ITFG1: variants seen among roughly 807,000 people sequenced by gnomAD.
ITFG1 encodes integrin alpha FG-GAP repeat containing 1, also known as T-cell immunomodulatory protein.
A neutral mutation model predicts 81.8 loss-of-function variants in ITFG1; 34 were observed. The observed-to-expected ratio is 0.42, with a 90% confidence interval of 0.32 to 0.55. ITFG1 has a LOEUF of 0.55. ITFG1 is among the 20% of genes least tolerant of loss of function. ITFG1 has a pLI of 0.17. For synonymous variants in ITFG1, 285 were observed against 270.6 expected, an observed-to-expected ratio of 1.05 and a Z score of -0.52; for missense variants, 672 against 755.4, an observed-to-expected ratio of 0.89 and a Z score of 1.29.
chr16:47,218,683 G>C (rs1965655706), intron 14 of ITFG1, 185 bp downstream of exon 14: 1 of 357,852 alleles, frequency 2.8e-6, no homozygotes, highest in Non-Finnish European at 5.0e-6. Context: ...AGAATTGAAA[G>C]TGAACATTTT....
Position 47,162,472 on chromosome 16 carries a change from A to T in ITFG1, c.1578+68T>A, listed in dbSNP as rs147003517. 3.3e-3 allele frequency: 4,020 copies of T among 1,236,300 alleles called. 14 individuals carry two copies. The highest frequency in any genetic ancestry group is 3.8e-3 in the Non-Finnish European group (3,374 of 898,294). 76.6% of individuals were successfully genotyped at this position (1,236,300 alleles called of 1,614,324 possible). ...AAATTCAATTAGGTTCAAATTATTTAATTTAAATACTTAAATAGTGAATAT... is the reference window on the plus strand; with the variant it reads ...AAATTCAATTAGGTTCAAATTATTTTATTTAAATACTTAAATAGTGAATAT... On this transcript the variant is annotated intron_variant, in intron 15 of 17. Transcript: ENST00000320640.
intron 8 of ITFG1, among the ~76,000 whole-genome samples, chr16:47,324,441 T>A (rs546839221): frequency 9.2e-5 from 14 of 152,178 alleles, no homozygotes; most frequent in Non-Finnish European, 7.4e-5. Flanking sequence ...ACAAGCAAAA[T>A]AGCCAGCTAA....
rs1966257224 is a variant in ITFG1 at position 47,264,815 on chromosome 16, A to T, written c.1071-4120T>A. ...CTTGACAGTTGAAGAGCTTAAAAAC[A>T]ACTTCATTCTTCTGATGATGACAGC... is the stretch of plus-strand genomic sequence containing the variant. On this transcript the variant is annotated intron_variant, in intron 10 of 17. Coordinates refer to ENST00000320640, the MANE Select transcript of ITFG1 (RefSeq NM_030790.5). Among the ~76,000 whole-genome samples the T allele has an allele frequency of 2.0e-5, 3 of 152,172 alleles. No homozygotes were observed. The South Asian group carries it at 6.2e-4, about 32-fold the overall frequency.
At chr16:47,421,009 C>A (rs933140501) in intron 6 of ITFG1, among the ~76,000 whole-genome samples, 17 of 152,008 alleles carry the variant, frequency 1.1e-4, no homozygotes, top group Admixed American at 1.0e-3. Context: ...TATATAAAGA[C>A]CTTATATGTC....
At chr16:47,307,101 A>AC (rs1191547762) in intron 10 of ITFG1, among the ~76,000 whole-genome samples, 2 of 142,504 alleles carry the variant, frequency 1.4e-5, no homozygotes, top group Non-Finnish European at 3.0e-5. Context: ...CTCAAAAAAA[A>AC]AAAAAAAAAA....
chr16:47,253,767 C>T (rs181911517), intron 12 of ITFG1, among the ~76,000 whole-genome samples: 156 of 152,202 alleles, frequency 1.0e-3, no homozygotes, highest in African/African-American at 1.9e-3. Context: ...AGAGCTCAGG[C>T]GGTAATGCCA....
At position 47,377,672 on chromosome 16, in the gene ITFG1, T is replaced by C. The variant is rs148223654; in HGVS notation, c.656-1732A>G. On this transcript the variant is annotated intron_variant, in intron 6 of 17. Coordinates refer to ENST00000320640, the MANE Select transcript of ITFG1 (RefSeq NM_030790.5). ...TCCTCTTCCTTCTAGAGTTCCTTCC[T>C]CTCCCTAGACATAGCTTTCCCTCCG... 7.3e-3 allele frequency among the ~76,000 whole-genome samples: 1,107 copies of C among 152,244 alleles called. 18 individuals are homozygous for C. The highest frequency in any genetic ancestry group is 0.025 in the African/African-American group (1,048 of 41,554).
intron 8 of ITFG1, among the ~76,000 whole-genome samples, chr16:47,356,618 C>A (rs1323591448): frequency 5.3e-5 from 8 of 152,192 alleles, no homozygotes; most frequent in Non-Finnish European, 1.0e-4. Context: ...CAGTCACTAT[C>A]CATCCATCAC....
intron 6 of ITFG1, among the ~76,000 whole-genome samples, chr16:47,380,679 G>A (rs1019561071): frequency 2.6e-5 from 4 of 152,152 alleles, no homozygotes; most frequent in East Asian, 1.9e-4. Context: ...GTGGCTTGGC[G>A]ACTATATTGG....
intron 10 of ITFG1, among the ~76,000 whole-genome samples, chr16:47,301,394 TTTC>T (rs1302918877): frequency 4.8e-4 from 73 of 152,114 alleles, no homozygotes; most frequent in African/African-American, 1.3e-3. Context: ...TTCTTTTTCT[TTTC>T]TTCTTCTTCT....
intron 16 of ITFG1, 78 bp downstream of exon 16, chr16:47,161,672 G>A (rs1476036691): frequency 3.3e-6 from 3 of 901,946 alleles, no homozygotes; most frequent in Non-Finnish European, 5.5e-6. Flanking sequence ...GAATATGAGA[G>A]AGCTTAAAAG....
At chr16:47,158,574 A>G (rs1964751958) in intron 17 of ITFG1, among the ~76,000 whole-genome samples, 2 of 152,200 alleles carry the variant, frequency 1.3e-5, no homozygotes, top group Non-Finnish European at 2.9e-5. Flanking sequence ...TCAGGTCATT[A>G]TGAAATTGTT....
chr16:47,321,480 A>T (rs773551971), intron 8 of ITFG1, among the ~76,000 whole-genome samples: 18 of 152,234 alleles, frequency 1.2e-4, no homozygotes, highest in Non-Finnish European at 2.6e-4. Flanking sequence ...ACAGTGAAGA[A>T]TATAACTTTA....
intron 8 of ITFG1, chr16:47,365,430 G>A (rs748415333): frequency 5.7e-6 from 1 of 176,644 alleles, no homozygotes; most frequent in African/African-American, 2.4e-5. Context: ...GGTTTTAAGA[G>A]GTCATATTAA....
intron 8 of ITFG1, among the ~76,000 whole-genome samples, chr16:47,315,993 G>C (rs910495761): frequency 3.3e-5 from 5 of 152,016 alleles, no homozygotes; most frequent in African/African-American, 1.2e-4. Flanking sequence ...GTTTCGCCAT[G>C]TTGTCCAGGC....
At chr16:47,220,903 A>T (rs187513469) in intron 13 of ITFG1, among the ~76,000 whole-genome samples, 1 of 152,336 alleles carries the variant, frequency 6.6e-6, no homozygotes, top group African/African-American at 2.4e-5. Context: ...CTTTGCAAGA[A>T]TCCAAGGAGC....
At chr16:47,421,770 C>T (rs562844041) in intron 6 of ITFG1, among the ~76,000 whole-genome samples, 1 of 152,216 alleles carries the variant, frequency 6.6e-6, no homozygotes, top group East Asian at 1.9e-4. Context: ...TGTTGATTGG[C>T]TGCACCCATC....
chr16:47,381,967 C>G (rs935160539), intron 6 of ITFG1, among the ~76,000 whole-genome samples: 6 of 152,194 alleles, frequency 3.9e-5, no homozygotes, highest in South Asian at 2.1e-4. Flanking sequence ...AAAAGCATCT[C>G]AGGATAAGAC....
chr16:47,363,579 G>GT (rs1490579611), intron 8 of ITFG1, among the ~76,000 whole-genome samples: 4 of 152,042 alleles, frequency 2.6e-5, no homozygotes, highest in Non-Finnish European at 5.9e-5. Context: ...TCAGAAAATA[G>GT]TATCAATTTT....
Sources: gnomAD v4.1 joint callset for allele counts (sites outside exome capture counted in the v4.1 genomes callset) on GRCh38, gnomAD v4.1.1 for gene constraint, MANE v1.5 for transcripts, NCBI Gene and HGNC (gene_info 2026-07-23, HGNC 2026-07-21) for gene names.